The following NUP37 variants were observed in gnomAD, a reference collection of about 807,000 sequenced individuals.
NUP37 encodes the protein nucleoporin 37.
NUP37 carries 33 observed loss-of-function variants against 45.4 expected under a neutral mutation model. The observed-to-expected ratio is 0.73, with a 90% CI of 0.55 to 0.97. The LOEUF (loss-of-function observed/expected upper bound fraction) is 0.97, where lower values mean the gene tolerates loss of function less well. Among genes scored for constraint, NUP37 ranks in the 50% least tolerant of loss-of-function variants. The pLI is 0.00. For synonymous variants in NUP37, 127 were observed against 130.7 expected (o/e 0.97, Z 0.19); for missense variants, 365 against 389.7 (o/e 0.94, Z 0.53).
At chr12:102,097,344 T>A (rs1391892771) in intron 5 of NUP37, among the ~76,000 whole-genome samples, 2 of 152,202 alleles carry the variant, frequency 1.3e-5, no homozygotes, top group Non-Finnish European at 2.9e-5. Context: ...GTCAGGTTTT[T>A]AAAAAATTAA....
intron 3 of NUP37, 109 bp downstream of exon 3, chr12:102,111,999 G>T (rs1315354661): frequency 1.2e-5 from 12 of 1,015,826 alleles, no homozygotes; most frequent in Non-Finnish European, 1.8e-5. Context: ...TAATATCTTG[G>T]ATTGTGGAAA....
At chr12:102,114,568 A>C (rs561006196) in intron 2 of NUP37, among the ~76,000 whole-genome samples, 1 of 152,222 alleles carries the variant, frequency 6.6e-6, no homozygotes, top group Non-Finnish European at 1.5e-5. Context: ...ATGATTATAC[A>C]AGGTTTCGGC....
chr12:102,117,044 G>A (rs1388328270), intron 2 of NUP37, among the ~76,000 whole-genome samples: 1 of 152,198 alleles, frequency 6.6e-6, no homozygotes, highest in Admixed American at 6.5e-5. Flanking sequence ...CTCAGTAAAG[G>A]AGGAAATAAC....
At chr12:102,117,938 T>C (rs1880510682) in intron 2 of NUP37, among the ~76,000 whole-genome samples, 1 of 152,214 alleles carries the variant, frequency 6.6e-6, no homozygotes, top group African/African-American at 2.4e-5. Context: ...AGCATACTAA[T>C]AGGAAAGCTG....
At chr12:102,112,063 TCAAAGTA>T in intron 3 of NUP37, 38 bp downstream of exon 3, 1 of 1,577,252 alleles carries the variant, frequency 6.3e-7, no homozygotes. Context: ...TGTAACACAA[TCAAAGTA>T]CATTAGTAAG....
intron 3 of NUP37, among the ~76,000 whole-genome samples, chr12:102,104,342 G>A (rs993282811): frequency 6.6e-6 from 1 of 152,106 alleles, no homozygotes; most frequent in African/African-American, 2.4e-5. Context: ...TTGAGTTGTA[G>A]AAGTTTTTTG....
At chr12:102,107,437 GA>G (rs148837922) in intron 3 of NUP37, among the ~76,000 whole-genome samples, 1 of 151,238 alleles carries the variant, frequency 6.6e-6, no homozygotes, top group Non-Finnish European at 1.5e-5. Context: ...ACAAGACAAG[GA>G]AAAAAAAGGG....
intron 5 of NUP37, among the ~76,000 whole-genome samples, chr12:102,098,822 G>T (rs1221404338): frequency 6.6e-6 from 1 of 152,158 alleles, no homozygotes; most frequent in Non-Finnish European, 1.5e-5. Context: ...ATGTGGCACT[G>T]TGCCCAGTCC....
At chr12:102,075,472 G>A (rs1346860362) in intron 8 of NUP37, among the ~76,000 whole-genome samples, 8 of 152,132 alleles carry the variant, frequency 5.3e-5, no homozygotes, top group Non-Finnish European at 2.9e-5. Context: ...ATGAGCCATA[G>A]CACCTAGACA....
intron 5 of NUP37, among the ~76,000 whole-genome samples, chr12:102,097,200 T>C (rs1424023649): frequency 6.6e-6 from 1 of 152,134 alleles, no homozygotes; most frequent in Admixed American, 6.5e-5. Context: ...TACATTGGCC[T>C]AAACAATTCA....
chr12:102,087,137 A>C (rs1014026817), intron 5 of NUP37, among the ~76,000 whole-genome samples: 3 of 152,144 alleles, frequency 2.0e-5, no homozygotes, highest in African/African-American at 7.2e-5. Context: ...AAAGGACTGA[A>C]TTCATTCATT....
Position 102,077,302 on chromosome 12 carries a change from C to A in NUP37, c.722+20G>T. The stretch of plus-strand genomic sequence containing the variant: ...CTGCCTTTTTTTGGTGTGTAATAGA[C>A]AAACATATCAAGAAAGTACCTGGAC... On this transcript the variant is annotated intron_variant, in intron 7 of 9. Transcript: ENST00000552283. 1.2e-6 allele frequency: 2 copies of A among 1,613,046 alleles called. No homozygotes were observed. The highest frequency in any genetic ancestry group is 1.7e-6 in the Non-Finnish European group (2 of 1,179,300).
intron 6 of NUP37, 106 bp downstream of exon 6, chr12:102,085,660 C>G: frequency 1.9e-6 from 1 of 540,340 alleles, no homozygotes; most frequent in East Asian, 3.1e-5. Context: ...TGACTAGTAT[C>G]TCTGAGATGG....
rs559777459 is a variant in NUP37 at position 102,115,812 on chromosome 12, G to C, written c.156+2551C>G. Reference sequence around the variant, plus strand: ...TTTCCACTTAATTTACCTTTACTTAGTTTTCTCTCAAGACAAGAGGCATGA... The same window carrying C: ...TTTCCACTTAATTTACCTTTACTTACTTTTCTCTCAAGACAAGAGGCATGA... On this transcript the variant is annotated intron_variant, in intron 2 of 9. Transcript: ENST00000552283. The C allele has an allele frequency of 9.2e-6, 9 of 982,324 alleles. No individual in the cohort carries two copies. In the South Asian group the frequency reaches 3.8e-4, roughly 41 times the overall value. The allele number at this position is 982,324 out of a possible 1,614,324, so 60.9% of individuals were successfully genotyped here.
rs934514796 is a variant in NUP37 at position 102,073,700 on chromosome 12, CTTTT to C, written c.*650_*653del. ...ATTTTTTTCTCCTTGGATTTTTTTT[CTTTT>C]GAGATAGTCTCGCTCTGTCGCCCAG... On this transcript the variant is annotated 3_prime_UTR_variant, in exon 10 of 10. Transcript: ENST00000552283. The C allele has an allele frequency of 1.3e-5, 2 of 151,900 alleles. No individual in the cohort carries two copies. Among genetic ancestry groups the C allele is most frequent in the South Asian group, 4.2e-4 (2 of 4,814 alleles). The allele number at this position is 151,900 out of a possible 1,614,324, so 9.4% of individuals were successfully genotyped here. A position where few individuals can be genotyped will look rare whatever the true frequency, so the allele number is the denominator to read the frequency against.
intron 6 of NUP37, among the ~76,000 whole-genome samples, chr12:102,085,524 A>T (rs1879443887): frequency 2.0e-5 from 3 of 152,204 alleles, no homozygotes; most frequent in African/African-American, 7.2e-5. Context: ...AAATCCACTA[A>T]AGGTCAGGAA....
chr12:102,082,799 G>T (rs193195514), intron 6 of NUP37, among the ~76,000 whole-genome samples: 74 of 152,254 alleles, frequency 4.9e-4, no homozygotes, highest in African/African-American at 1.7e-3. Flanking sequence ...AAAGACTTTA[G>T]AAACAAGCTA....
intron 3 of NUP37, among the ~76,000 whole-genome samples, chr12:102,105,164 A>T (rs1489202260): frequency 1.3e-5 from 2 of 152,156 alleles, no homozygotes; most frequent in African/African-American, 4.8e-5. Context: ...GTGAGGGTTT[A>T]TATGAAAGGG....
chr12:102,104,210 A>C (rs1880056753), intron 3 of NUP37, among the ~76,000 whole-genome samples: 1 of 152,118 alleles, frequency 6.6e-6, no homozygotes, highest in East Asian at 1.9e-4. Flanking sequence ...TATTTCTTTA[A>C]TGATTAGGGA....
Sources: allele counts gnomAD v4.1 joint callset (sites outside exome capture counted in the v4.1 genomes callset), GRCh38; gene constraint gnomAD v4.1.1; transcripts MANE v1.5; gene names NCBI Gene and HGNC (gene_info 2026-07-23, HGNC 2026-07-21).